Variants in KIAA1549 observed in about 807,000 individuals in gnomAD.
KIAA1549 encodes UPF0606 protein KIAA1549.
Under a neutral mutation model 156.4 loss-of-function variants are expected in KIAA1549, and 70 were observed. The observed-to-expected ratio is 0.45, with a 90% CI of 0.37 to 0.55. The LOEUF is 0.55. Among genes scored for constraint, KIAA1549 ranks in the 20% least tolerant of loss-of-function variants. KIAA1549 has a pLI of 0.00. For synonymous variants in KIAA1549, 1,103 were observed against 1,066.4 expected (o/e 1.03, Z -0.67); for missense variants, 2,428 against 2,540.9 (o/e 0.96, Z 0.96).
At chr7:138,939,983 CA>C (rs202222244) in intron 1 of KIAA1549, among the ~76,000 whole-genome samples, 3 of 151,808 alleles carry the variant, frequency 2.0e-5, no homozygotes, top group Non-Finnish European at 2.9e-5. Flanking sequence ...CCCATTTCTA[CA>C]AAAAAAATTT....
Position 138,918,339 on chromosome 7 carries a change from A to G in KIAA1549, c.1287T>C (p.Pro429=). The change falls in exon 2 of 20, where the codon CCT becomes CCC. Residue 429 remains proline (P), a synonymous_variant. Coordinates refer to ENST00000422774, the MANE Select transcript of KIAA1549 (RefSeq NM_001164665.2). This position sits in a 1 kb window ranked among gnomAD's most constrained non-coding sequence, Gnocchi z 4.2. ...TGAGGCTCGTGGCCAGAACTTGCTG[A>G]GGTGAAGGCACAGTGCAGGCCGCAC... ...TWCAACTVPS[P]QQVLATSLME... is the part of the protein sequence containing the mutation. 1.9e-6 allele frequency: 3 copies of G among 1,613,918 alleles called. No individual in the cohort carries two copies. The South Asian group carries it at 3.3e-5, about 18-fold the overall frequency.
chr7:138,842,339 A>G (rs1244658867), intron 18 of KIAA1549, among the ~76,000 whole-genome samples: 1 of 152,224 alleles, frequency 6.6e-6, no homozygotes, highest in Non-Finnish European at 1.5e-5. Flanking sequence ...GACCCTGAGC[A>G]ACGGGCTATG....
intron 1 of KIAA1549, among the ~76,000 whole-genome samples, chr7:138,930,769 T>C (rs1213951558): frequency 6.6e-6 from 1 of 152,262 alleles, no homozygotes; most frequent in African/African-American, 2.4e-5. Flanking sequence ...CAAGGCTGTT[T>C]TGCTTTCTTA....
chr7:138,906,604 T>C (rs1456371580), intron 6 of KIAA1549, among the ~76,000 whole-genome samples: 1 of 152,092 alleles, frequency 6.6e-6, no homozygotes, highest in African/African-American at 2.4e-5. Flanking sequence ...GGAGCTAAGC[T>C]ATGAGGACAC....
Position 138,918,260 on chromosome 7 carries a change from G to C in KIAA1549, c.1366C>G (p.Leu456Val). 1.2e-6 allele frequency: 2 copies of C among 1,613,996 alleles called. No homozygotes were observed. The highest frequency in any genetic ancestry group is 1.6e-4 in the Middle Eastern group (1 of 6,062). Residue 456 changes from leucine (L) to valine (V), a missense_variant, in exon 2 of 20, where the codon CTG becomes GTG. By Grantham distance (32) the Leu-to-Val change is conservative (BLOSUM62 1). This residue lies in a region of KIAA1549 where 893 missense variants were observed against 847.9 expected (regional missense o/e 1.05). Transcript: ENST00000422774. The surrounding 1 kb of genome is among the most constrained non-coding windows in gnomAD (Gnocchi z 4.2). ...ATTAGAGAGATGCTGCTTTCTTCCA[G>C]CACGGTCATGCACAGAGTCTCGGCA... ...DGAETLCMTV[L>V]EESSISLMSS...
Position 138,917,813 on chromosome 7 carries a change from CAGAGA to C in KIAA1549, c.1808_1812del (p.Phe603Ter). ...TCAGAAAAACTGGAACGTTCTTGGT[CAGAGA>C]AAAGTGAAGACTCCACTGAAGGAAC... On this transcript the variant is annotated frameshift_variant, in exon 2 of 20. Coordinates refer to ENST00000422774, the MANE Select transcript of KIAA1549 (RefSeq NM_001164665.2). LOFTEE classifies it high-confidence loss of function. 1 of 1,592,964 alleles carries C rather than the reference CAGAGA, an allele frequency of 6.3e-7. No individual in the cohort carries two copies. Among genetic ancestry groups the C allele is most frequent in the Non-Finnish European group, 8.5e-7 (1 of 1,169,658 alleles).
intron 15 of KIAA1549, among the ~76,000 whole-genome samples, chr7:138,862,135 G>A (rs889028276): frequency 6.6e-6 from 1 of 152,004 alleles, no homozygotes; most frequent in African/African-American, 2.4e-5. Flanking sequence ...GTAGTCTATT[G>A]ACTATTAGAA....
intron 1 of KIAA1549, among the ~76,000 whole-genome samples, chr7:138,942,071 T>C (rs1180692506): frequency 2.0e-5 from 3 of 152,158 alleles, no homozygotes; most frequent in Admixed American, 6.5e-5. Flanking sequence ...TCTCACGTCA[T>C]TGGTGAAAAA....
intron 12 of KIAA1549, 69 bp downstream of exon 12, chr7:138,879,469 T>C (rs752057077): frequency 1.0e-5 from 9 of 880,490 alleles, no homozygotes; most frequent in Non-Finnish European, 1.6e-5. Context: ...TTTGAAATAC[T>C]GTAAGGCCCC....
At chr7:138,967,477 A>G (rs1395741517) in intron 1 of KIAA1549, among the ~76,000 whole-genome samples, 1 of 152,190 alleles carries the variant, frequency 6.6e-6, no homozygotes, top group Non-Finnish European at 1.5e-5. Flanking sequence ...CAATGAATGC[A>G]TATCGTTTTT....
chr7:138,869,294 T>G (rs1584717152), intron 14 of KIAA1549, among the ~76,000 whole-genome samples: 2 of 151,810 alleles, frequency 1.3e-5, no homozygotes, highest in African/African-American at 4.8e-5. Flanking sequence ...AGGGGCAGAG[T>G]TGAGAACAAA....
At chr7:138,888,433 G>T (rs1811458598) in intron 10 of KIAA1549, among the ~76,000 whole-genome samples, 2 of 152,176 alleles carry the variant, frequency 1.3e-5, no homozygotes, top group South Asian at 4.1e-4. Flanking sequence ...CAAGTCACTT[G>T]TTCACTGGTC....
At chr7:138,855,070 G>A (rs1810347112) in intron 16 of KIAA1549, among the ~76,000 whole-genome samples, 1 of 152,278 alleles carries the variant, frequency 6.6e-6, no homozygotes, top group African/African-American at 2.4e-5. Flanking sequence ...CACTTAGAGA[G>A]AGTACACTGA....
chr7:138,944,817 T>A (rs1305332616), intron 1 of KIAA1549, among the ~76,000 whole-genome samples: 1 of 152,152 alleles, frequency 6.6e-6, no homozygotes, highest in African/African-American at 2.4e-5. Context: ...TATGACTCCA[T>A]TTACATGAAA....
chr7:138,959,385 A>G (rs1455747792), intron 1 of KIAA1549, among the ~76,000 whole-genome samples: 1 of 152,216 alleles, frequency 6.6e-6, no homozygotes, highest in Non-Finnish European at 1.5e-5. Context: ...ACATTGTGGA[A>G]TAAAAAGATG....
rs1440291324 is a variant in KIAA1549, at chr7:138,894,493, G to A, written c.3881C>T (p.Ser1294Phe). The A allele has an allele frequency of 6.2e-7, 1 of 1,614,012 alleles. No homozygotes were observed. The highest frequency in any genetic ancestry group is 1.1e-5 in the South Asian group (1 of 91,082). The change falls in exon 10 of 20, where the codon TCC (serine) becomes TTC (phenylalanine). Residue 1294 changes from serine to phenylalanine, a missense_variant. Physicochemically the swap from Ser to Phe is radical, Grantham distance 155. Around this residue, in one of 5 missense-constraint regions of KIAA1549, gnomAD observed 762 missense variants for 901.6 expected, o/e 0.85. Coordinates refer to ENST00000422774, the MANE Select transcript of KIAA1549 (RefSeq NM_001164665.2). ...VDRVKRPSPE[S>F]QSNNLWVIVG... ...AATGACCCACAAGTTGTTGCTCTGG[G>A]ATTCCGGAGACGGCCTCTTCACCCT...
intron 1 of KIAA1549, among the ~76,000 whole-genome samples, chr7:138,924,720 G>A (rs910499650): frequency 6.6e-6 from 1 of 152,106 alleles, no homozygotes; most frequent in African/African-American, 2.4e-5. Context: ...AGTGCCAAAG[G>A]GAATCACTTC....
intron 1 of KIAA1549, among the ~76,000 whole-genome samples, chr7:138,956,128 A>G (rs570999): frequency 0.43 from 64,996 of 152,096 alleles, 17,273 homozygotes; most frequent in African/African-American, 0.76. Flanking sequence ...TCCCGACCTC[A>G]AGCGACACGC....
Position 138,981,144 on chromosome 7 carries a change from C to T in KIAA1549, c.126G>A (p.Pro42=), listed in dbSNP as rs1481682170. 3.3e-6 allele frequency: 4 copies of T among 1,205,892 alleles called. No individual in the cohort carries two copies. Among genetic ancestry groups the T allele is most frequent in the Non-Finnish European group, 4.1e-6 (4 of 971,294 alleles). The allele number at this position is 1,205,892 out of a possible 1,614,324, so 74.7% of individuals were successfully genotyped here. ...PSARCARRRR[P]GLLLPGLWLL... The stretch of plus-strand genomic sequence containing the variant: ...GCCAGAGGCCAGGAAGCAGCAGCCC[C>T]GGGCGGCGGCGGCGGGCGCAGCGGG... Residue 42 remains proline, a synonymous_variant, in exon 1 of 20, where the codon CCG becomes CCA. Coordinates refer to ENST00000422774, the MANE Select transcript of KIAA1549 (RefSeq NM_001164665.2). The surrounding 1 kb of genome is among the most constrained non-coding windows in gnomAD (Gnocchi z 4.5).
Sources: allele counts gnomAD v4.1 joint callset (sites outside exome capture counted in the v4.1 genomes callset), GRCh38; gene constraint gnomAD v4.1.1; regional missense constraint gnomAD v4.1.1; non-coding constraint Gnocchi (gnomAD v3.1); transcripts MANE v1.5; gene names NCBI Gene and HGNC (gene_info 2026-07-23, HGNC 2026-07-21).